Variants in CNTNAP2 observed in about 807,000 individuals in gnomAD.
CNTNAP2 encodes contactin-associated protein-like 2.
Under a neutral mutation model 155.2 loss-of-function variants are expected in CNTNAP2, and 98 were observed. That is an observed-to-expected ratio of 0.63 (90% confidence interval 0.54 to 0.75). The LOEUF is 0.75. CNTNAP2 is among the 30% of genes least tolerant of loss of function. The pLI is 0.00. For missense variants in CNTNAP2, 1,727 were observed against 1,688.1 expected (o/e 1.02, Z -0.40); for synonymous variants, 651 against 631.2 (o/e 1.03, Z -0.47).
chr7:148,330,740 T>G (rs1157145680), intron 21 of CNTNAP2, among the ~76,000 whole-genome samples: 1 of 138,508 alleles, frequency 7.2e-6, no homozygotes, highest in African/African-American at 2.8e-5. Context: ...GATGGATGGA[T>G]GGATGGATGG....
At chr7:148,303,070 C>T (rs1332412172) in intron 21 of CNTNAP2, among the ~76,000 whole-genome samples, 1 of 152,036 alleles carries the variant, frequency 6.6e-6, no homozygotes, top group Non-Finnish European at 1.5e-5. Flanking sequence ...ACCTTGGCCT[C>T]CCAAAGCACT....
intron 21 of CNTNAP2, among the ~76,000 whole-genome samples, chr7:148,281,388 A>C (rs973648289): frequency 3.9e-5 from 6 of 152,232 alleles, no homozygotes; most frequent in African/African-American, 1.4e-4. Context: ...AATGGCAAAT[A>C]GTTAATTGAA....
At chr7:146,307,609 A>G (rs909761796) in intron 1 of CNTNAP2, among the ~76,000 whole-genome samples, 2 of 152,196 alleles carry the variant, frequency 1.3e-5, no homozygotes, top group Non-Finnish European at 2.9e-5. Flanking sequence ...CCAAAACAGC[A>G]TGGTACTGGT....
At chr7:146,823,159 A>G (rs1401260584) in intron 2 of CNTNAP2, among the ~76,000 whole-genome samples, 1 of 145,296 alleles carries the variant, frequency 6.9e-6, no homozygotes, top group Non-Finnish European at 1.5e-5. Flanking sequence ...ATGGAAATAT[A>G]CTCATTCTTC....
intron 1 of CNTNAP2, among the ~76,000 whole-genome samples, chr7:146,217,966 T>C (rs1294761279): frequency 6.6e-6 from 1 of 152,226 alleles, no homozygotes; most frequent in African/African-American, 2.4e-5. Context: ...TTTACCTATG[T>C]AACACACCTG....
chr7:146,584,971 T>C (rs775168780), intron 1 of CNTNAP2, among the ~76,000 whole-genome samples: 1 of 152,098 alleles, frequency 6.6e-6, no homozygotes, highest in Non-Finnish European at 1.5e-5. Context: ...TTTAACCTGT[T>C]TGGGGCCCTA....
intron 1 of CNTNAP2, among the ~76,000 whole-genome samples, chr7:146,211,185 T>C (rs903500942): frequency 1.3e-5 from 2 of 152,178 alleles, no homozygotes; most frequent in African/African-American, 2.4e-5. Flanking sequence ...GTGCACTTTA[T>C]GTAAGTTGCT....
chr7:146,861,316 G>A (rs900943630), intron 3 of CNTNAP2, among the ~76,000 whole-genome samples: 3 of 152,088 alleles, frequency 2.0e-5, no homozygotes, highest in African/African-American at 7.2e-5. Flanking sequence ...GCCTCCCAAA[G>A]TGCTGGGACT....
At chr7:147,800,726 C>A (rs1362799006) in intron 13 of CNTNAP2, among the ~76,000 whole-genome samples, 1 of 152,186 alleles carries the variant, frequency 6.6e-6, no homozygotes, top group Non-Finnish European at 1.5e-5. Flanking sequence ...ACCTTCACTG[C>A]AAATACAGTC....
At chr7:146,544,440 G>A (rs1797998973) in intron 1 of CNTNAP2, among the ~76,000 whole-genome samples, 2 of 151,920 alleles carry the variant, frequency 1.3e-5, no homozygotes, top group South Asian at 2.1e-4. Context: ...ATTATATCCA[G>A]CCTAAAACAG....
intron 8 of CNTNAP2, among the ~76,000 whole-genome samples, chr7:147,187,285 G>A (rs1584780016): frequency 2.0e-5 from 3 of 152,086 alleles, no homozygotes; most frequent in South Asian, 4.1e-4. Flanking sequence ...AAGATAGAGA[G>A]GCTCCCAAGC....
chr7:146,892,164 G>A (rs1332650556), intron 3 of CNTNAP2, among the ~76,000 whole-genome samples: 1 of 152,168 alleles, frequency 6.6e-6, no homozygotes, highest in Non-Finnish European at 1.5e-5. Flanking sequence ...TTCCAAGACG[G>A]CCCACTCAAT....
intron 3 of CNTNAP2, among the ~76,000 whole-genome samples, chr7:146,974,683 A>G (rs1584760007): frequency 6.6e-6 from 1 of 152,168 alleles, no homozygotes; most frequent in South Asian, 2.1e-4. Flanking sequence ...ATTGCAAAAT[A>G]AAAGAATGAC....
At chr7:146,481,840 A>C (rs1368988867) in intron 1 of CNTNAP2, among the ~76,000 whole-genome samples, 1 of 152,168 alleles carries the variant, frequency 6.6e-6, no homozygotes, top group Non-Finnish European at 1.5e-5. Flanking sequence ...GTAGACAAGA[A>C]CAAGTAAGCT....
chr7:147,977,549 T>C (rs1002629571), intron 14 of CNTNAP2, among the ~76,000 whole-genome samples: 1 of 152,196 alleles, frequency 6.6e-6, no homozygotes, highest in South Asian at 2.1e-4. Context: ...AAACTCTGCA[T>C]GTGTGCTCAG....
chr7:146,635,153 A>G (rs969607787), intron 1 of CNTNAP2, among the ~76,000 whole-genome samples: 1 of 152,178 alleles, frequency 6.6e-6, no homozygotes, highest in East Asian at 1.9e-4. Context: ...CACACAAAAT[A>G]AAGATTAGAT....
intron 1 of CNTNAP2, among the ~76,000 whole-genome samples, chr7:146,456,603 G>C (rs1796558596): frequency 2.6e-5 from 4 of 152,076 alleles, no homozygotes; most frequent in Non-Finnish European, 4.4e-5. Context: ...TGGTTTACTT[G>C]TTCTTTTGGA....
chr7:147,281,097 A>G (rs1805023787), intron 8 of CNTNAP2, among the ~76,000 whole-genome samples: 1 of 151,976 alleles, frequency 6.6e-6, no homozygotes, highest in African/African-American at 2.4e-5. Flanking sequence ...TGGCTGTTAC[A>G]CAGAATGGTC....
At chr7:148,268,707 C>T (rs1042692874) in intron 21 of CNTNAP2, among the ~76,000 whole-genome samples, 3 of 151,998 alleles carry the variant, frequency 2.0e-5, no homozygotes, top group African/African-American at 7.2e-5. Flanking sequence ...TACTGTAGGC[C>T]AGGCTCCAGT....
Sources: allele counts gnomAD v4.1 joint callset (sites outside exome capture counted in the v4.1 genomes callset), GRCh38; gene constraint gnomAD v4.1.1; transcripts MANE v1.5; gene names NCBI Gene and HGNC (gene_info 2026-07-23, HGNC 2026-07-21).